Variants in SLC7A5 observed in about 807,000 individuals in gnomAD.
SLC7A5 encodes large neutral amino acids transporter small subunit 1.
A neutral mutation model predicts 50.2 loss-of-function variants in SLC7A5; 23 were observed. The ratio of observed to expected loss-of-function variants is 0.46; its 90% CI spans 0.33 to 0.65. The LOEUF is 0.65. Among genes scored for constraint, SLC7A5 ranks in the 30% least tolerant of loss-of-function variants. SLC7A5 has a pLI of 0.02. For missense variants in SLC7A5, 578 were observed against 684.4 expected, an observed-to-expected ratio of 0.84 and a Z score of 1.73; for synonymous variants, 393 against 330.6, an observed-to-expected ratio of 1.19 and a Z score of -2.05.
rs536074587 is a variant in SLC7A5, at chr16:87,853,327, C to T, written c.539-1478G>A. The stretch of plus-strand genomic sequence containing the variant: ...CCTATCTCTCAGAAATTAACCACCC[C>T]GCTACAATTCTGTGGATGCCAGAGC... On this transcript the variant is annotated intron_variant, in intron 1 of 9. Transcript: ENST00000261622. This position sits in a 1 kb window ranked among gnomAD's most constrained non-coding sequence, Gnocchi z 4.4. Among the ~76,000 whole-genome samples the T allele has an allele frequency of 2.2e-4, 33 of 152,344 alleles. No individual in the cohort carries two copies. The highest frequency in any genetic ancestry group is 3.8e-4 in the African/African-American group (16 of 41,576).
rs1491292186 is a variant in SLC7A5 at position 87,852,636 on chromosome 16, C to CTGTGTGTGTGTGTGTG, written c.539-788_539-787insCACACACACACACACA. On this transcript the variant is annotated intron_variant, in intron 1 of 9. Transcript: ENST00000261622. This position sits in a 1 kb window ranked among gnomAD's most constrained non-coding sequence, Gnocchi z 4.5. ...CCCTGTAAGGCACCCAGCTCTGAGC[C>CTGTGTGTGTGTGTGTG]TCTGTGTGTGTGTGTGTGTGTGTGT... Among the ~76,000 whole-genome samples the CTGTGTGTGTGTGTGTG allele has an allele frequency of 2.1e-5, 2 of 97,498 alleles. No individual in the cohort carries two copies. Among genetic ancestry groups the CTGTGTGTGTGTGTGTG allele is most frequent in the African/African-American group, 7.5e-5 (2 of 26,696 alleles). 64.0% of individuals were successfully genotyped at this position (97,498 alleles called of 152,430 possible). A position where few individuals can be genotyped will look rare whatever the true frequency, so the allele number is the denominator to read the frequency against.
intron 1 of SLC7A5, among the ~76,000 whole-genome samples, chr16:87,859,865 G>A (rs1370682068): frequency 2.6e-5 from 4 of 151,942 alleles, no homozygotes; most frequent in African/African-American, 9.7e-5. Flanking sequence ...CGCTTGAACC[G>A]GGTTGCAGTG....
chr16:87,851,616 G>T, intron 2 of SLC7A5, 108 bp downstream of exon 2: 1 of 1,370,022 alleles, frequency 7.3e-7, no homozygotes. Flanking sequence ...GTACAGCACT[G>T]CAGAGCTGCG....
In SLC7A5 at chr16:87,837,904, A is replaced by G; in HGVS notation, c.1081T>C (p.Ser361Pro). The G allele has an allele frequency of 1.2e-6, 2 of 1,608,382 alleles. No homozygotes were observed. Among genetic ancestry groups the G allele is most frequent in the Non-Finnish European group, 1.7e-6 (2 of 1,178,406 alleles). ...FVGSREGHLP[S>P]ILSMIHPQLL... Reference sequence around the variant, plus strand: ...TGTGGGTGGATCATGGAGAGGATGGAGGGCAGGTGGCCTTCCCGGGACCCC... The same window carrying G: ...TGTGGGTGGATCATGGAGAGGATGGGGGGCAGGTGGCCTTCCCGGGACCCC... Residue 361 changes from serine to proline, a missense_variant, in exon 7 of 10, where the codon TCC becomes CCC. This residue lies in a region of SLC7A5 where 465 missense variants were observed against 594.6 expected (regional missense o/e 0.78). Transcript: ENST00000261622.
chr16:87,839,994 G>A (rs989511481), intron 4 of SLC7A5, among the ~76,000 whole-genome samples, 169 bp from the exon 5 acceptor site: 1 of 152,224 alleles, frequency 6.6e-6, no homozygotes, highest in South Asian at 2.1e-4. Context: ...GCAGGAGGCT[G>A]TGCCTGGAGC....
At chr16:87,848,288 C>T (rs946665863) in intron 2 of SLC7A5, among the ~76,000 whole-genome samples, 2 of 152,250 alleles carry the variant, frequency 1.3e-5, no homozygotes, top group African/African-American at 4.8e-5. Flanking sequence ...CTGACGGCTG[C>T]AGCCCAAGCA....
rs150027728 is a variant in SLC7A5 at position 87,831,902 on chromosome 16, A to G, written c.*1068T>C. 1 of 152,428 alleles carries G rather than the reference A, an allele frequency of 6.6e-6. No individual in the cohort carries two copies. Among genetic ancestry groups the G allele is most frequent in the Non-Finnish European group, 1.5e-5 (1 of 68,202 alleles). The allele number at this position is 152,428 out of a possible 1,614,324, so 9.4% of individuals were successfully genotyped here. A position where few individuals can be genotyped will look rare whatever the true frequency, so the allele number is the denominator to read the frequency against. On this transcript the variant is annotated 3_prime_UTR_variant, in exon 10 of 10. Coordinates refer to ENST00000261622, the MANE Select transcript of SLC7A5 (RefSeq NM_003486.7). ...AGCAGTGCTTGGCTCTGTCTCCTAGACAACGGGCATCAGGACCAGGACAGG... is the reference window on the plus strand; with the variant it reads ...AGCAGTGCTTGGCTCTGTCTCCTAGGCAACGGGCATCAGGACCAGGACAGG...
At chr16:87,840,991 T>C (rs1472635932) in intron 3 of SLC7A5, 59 bp downstream of exon 3, 5 of 1,218,604 alleles carry the variant, frequency 4.1e-6, no homozygotes, top group Non-Finnish European at 6.1e-6. Flanking sequence ...TTGGGATTCC[T>C]GGACACGTCA....
intron 1 of SLC7A5, chr16:87,863,585 C>T (rs2055424301): frequency 6.6e-6 from 1 of 152,172 alleles, no homozygotes; most frequent in Non-Finnish European, 1.5e-5. Context: ...GCTGGTTCCT[C>T]TCACCTTTAT....
rs1189698468 is a variant in SLC7A5, at chr16:87,860,338, AAATACACACAC to A, written c.539-8500_539-8490del. 2.2e-5 allele frequency among the ~76,000 whole-genome samples: 2 copies of A among 89,972 alleles called. No individual in the cohort carries two copies. Among genetic ancestry groups the A allele is most frequent in the Non-Finnish European group, 4.1e-5 (2 of 48,314 alleles). 59.0% of individuals were successfully genotyped at this position (89,972 alleles called of 152,430 possible). Reference sequence around the variant, plus strand: ...ACAAAAGCATCTCAAAAAAAAAAAAAAATACACACACACACACACACACACACACACACACA... The same window carrying A: ...ACAAAAGCATCTCAAAAAAAAAAAAAACACACACACACACACACACACACA... On this transcript the variant is annotated intron_variant, in intron 1 of 9. Transcript: ENST00000261622. This position sits in a 1 kb window ranked among gnomAD's most constrained non-coding sequence, Gnocchi z 4.8.
At chr16:87,848,724 G>A (rs968149123) in intron 2 of SLC7A5, among the ~76,000 whole-genome samples, 1 of 152,158 alleles carries the variant, frequency 6.6e-6, no homozygotes, top group African/African-American at 2.4e-5. Context: ...TCTGCACCAG[G>A]GCCCCGCTTA....
rs143463290 is a variant in SLC7A5, at chr16:87,850,519, G to C, written c.664+1205C>G. 2.9e-3 allele frequency among the ~76,000 whole-genome samples: 445 copies of C among 152,342 alleles called. 1 individual carries two copies. The highest frequency in any genetic ancestry group is 0.01 in the African/African-American group (424 of 41,566). On this transcript the variant is annotated intron_variant, in intron 2 of 9. Transcript: ENST00000261622. Reference sequence around the variant, plus strand: ...AGTCACCAGAGCGTGCATCCGCCGGGTGCCTGCACTCAGCGAAAGCTCCAC... The same window carrying C: ...AGTCACCAGAGCGTGCATCCGCCGGCTGCCTGCACTCAGCGAAAGCTCCAC...
intron 2 of SLC7A5, among the ~76,000 whole-genome samples, chr16:87,844,873 G>A (rs1169537228): frequency 6.6e-6 from 1 of 152,280 alleles, no homozygotes; most frequent in Non-Finnish European, 1.5e-5. Flanking sequence ...TGGAGCTGCG[G>A]GATGTGTCCT....
Position 87,860,399 on chromosome 16 carries a change from C to CAT in SLC7A5, c.538+8484_538+8485dup, listed in dbSNP as rs372894326. On this transcript the variant is annotated intron_variant, in intron 1 of 9. Transcript: ENST00000261622. This position sits in a 1 kb window ranked among gnomAD's most constrained non-coding sequence, Gnocchi z 4.8. Reference sequence around the variant, plus strand: ...ACACACACACACACACACACACACACATATATATATAAAGAAAAAGGAAAT... The same window carrying CAT: ...ACACACACACACACACACACACACACATATATATATATAAAGAAAAAGGAAAT... Among the ~76,000 whole-genome samples, 341 of 74,456 alleles carry CAT rather than the reference C, an allele frequency of 4.6e-3. 18 individuals carry two copies. The highest frequency in any genetic ancestry group is 0.017 in the East Asian group (40 of 2,380). 48.8% of individuals were successfully genotyped at this position (74,456 alleles called of 152,430 possible).
In SLC7A5 at chr16:87,851,815, C is replaced by T; in HGVS notation, c.573G>A (p.Lys191=). The part of the protein sequence containing the change: ...LLTAVNCYSV[K]AATRVQDAFA... The stretch of plus-strand genomic sequence containing the variant: ...AGGCATCCTGGACCCGGGTGGCGGC[C>T]TTCACGCTGTAGCAGTTCACGGCCG... The change falls in exon 2 of 10, where the codon AAG becomes AAA. Residue 191 remains lysine, a synonymous_variant. Transcript: ENST00000261622. 1.2e-6 allele frequency: 2 copies of T among 1,613,112 alleles called. No individual in the cohort carries two copies.
rs1467757600 is a variant in SLC7A5, at chr16:87,852,601, TC to T, written c.539-753del. Among the ~76,000 whole-genome samples, 1 of 150,132 alleles carries T rather than the reference TC, an allele frequency of 6.7e-6. No homozygotes were observed. Among genetic ancestry groups the T allele is most frequent in the Admixed American group, 6.7e-5 (1 of 14,970 alleles). On this transcript the variant is annotated intron_variant, in intron 1 of 9. Coordinates refer to ENST00000261622, the MANE Select transcript of SLC7A5 (RefSeq NM_003486.7). This position sits in a 1 kb window ranked among gnomAD's most constrained non-coding sequence, Gnocchi z 4.5. ...AGACAGGTCTCCAGACACCAGCACG[TC>T]CTCCTGGGCCCTGTAAGGCACCCAG...
chr16:87,835,981 G>A (rs1485254691), intron 8 of SLC7A5, among the ~76,000 whole-genome samples: 4 of 152,236 alleles, frequency 2.6e-5, no homozygotes, highest in African/African-American at 7.2e-5. Context: ...CTGGGCCCCA[G>A]GCAAGAGCAT....
intron 2 of SLC7A5, among the ~76,000 whole-genome samples, chr16:87,844,789 G>A (rs918442066): frequency 2.0e-5 from 3 of 152,256 alleles, no homozygotes; most frequent in African/African-American, 4.8e-5. Context: ...GGGGCCTTCC[G>A]CCTTCCAACC....
intron 1 of SLC7A5, chr16:87,863,443 C>G (rs537155355): frequency 2.6e-5 from 4 of 152,182 alleles, no homozygotes; most frequent in Non-Finnish European, 5.9e-5. Context: ...CCAGCCTTTG[C>G]GCCTTCTGAT....
Sources: allele counts gnomAD v4.1 joint callset (sites outside exome capture counted in the v4.1 genomes callset), GRCh38; gene constraint gnomAD v4.1.1; regional missense constraint gnomAD v4.1.1; non-coding constraint Gnocchi (gnomAD v3.1); transcripts MANE v1.5; gene names NCBI Gene and HGNC (gene_info 2026-07-23, HGNC 2026-07-21).